The following NPL variants were observed in gnomAD, a reference collection of about 807,000 sequenced individuals.
The protein encoded by NPL is N-acetylneuraminate lyase.
In NPL, 32 loss-of-function variants were observed where a neutral mutation model predicts 41.1. The observed-to-expected ratio is 0.78, with a 90% confidence interval of 0.59 to 1.05. The LOEUF is 1.05. NPL is among the 50% of genes least tolerant of loss of function. The pLI, the probability that NPL is intolerant of heterozygous loss-of-function variation, is 0.00. For missense variants in NPL, 321 were observed against 378.4 expected (o/e 0.85, Z 1.26); for synonymous variants, 128 against 134.9 (o/e 0.95, Z 0.35).
In NPL at chr1:182,816,748, T is replaced by C. The variant is rs1486160683; in HGVS notation, c.399T>C (p.Ala133=). The change falls in exon 8 of 13, where the codon GCT becomes GCC. Residue 133 remains alanine (A), a synonymous_variant. Transcript: ENST00000367553. ...ILINFLKEVA[A]AAPALPFYYY... Reference sequence around the variant, plus strand: ...TTAATTTCCTAAAGGAAGTGGCTGCTGCCGCCCCTGCCCTGCCATTTTATT... The same window carrying C: ...TTAATTTCCTAAAGGAAGTGGCTGCCGCCGCCCCTGCCCTGCCATTTTATT... 1 of 1,612,816 alleles carries C rather than the reference T, an allele frequency of 6.2e-7. No homozygotes were observed. Among genetic ancestry groups the C allele is most frequent in the Non-Finnish European group, 8.5e-7 (1 of 1,179,710 alleles).
Position 182,829,708 on chromosome 1 carries a change from A to G in NPL, c.*800A>G, listed in dbSNP as rs1325534059. 7.4e-7 allele frequency: 1 copy of G among 1,358,622 alleles called. No individual in the cohort carries two copies. Among genetic ancestry groups the G allele is most frequent in the African/African-American group, 1.4e-5 (1 of 69,046 alleles). The allele number at this position is 1,358,622 out of a possible 1,614,324, so 84.2% of individuals were successfully genotyped here. On this transcript the variant is annotated 3_prime_UTR_variant, in exon 13 of 13. Transcript: ENST00000367553. Reference sequence around the variant, plus strand: ...GACTGTCTCTCCCGCAGGACCCTGAATTATTGAAATCGAAGGCTGACTTCC... The same window carrying G: ...GACTGTCTCTCCCGCAGGACCCTGAGTTATTGAAATCGAAGGCTGACTTCC...
intron 11 of NPL, among the ~76,000 whole-genome samples, chr1:182,825,176 A>G (rs1265664543): frequency 5.3e-5 from 8 of 152,224 alleles, no homozygotes; most frequent in Non-Finnish European, 7.3e-5. Context: ...CCCTCTCTTT[A>G]TCAATACCAA....
rs755575985 is a variant in NPL, at chr1:182,806,149, T to G, written c.147T>G (p.Asn49Lys). Residue 49 changes from asparagine to lysine, a missense_variant, in exon 5 of 13, where the codon AAT (asparagine) becomes AAG (lysine). Physicochemically the swap from Asn to Lys is moderately conservative, Grantham distance 94. Transcript: ENST00000367553. ...ACTTACTCTTTGTTTGAACAGTGAA[T>G]GGCACAACAGGAGAAGGCCTGTCCC... is the stretch of plus-strand genomic sequence containing the variant. ...KEQGVKNIFV[N>K]GTTGEGLSLS... 5 of 1,614,214 alleles carry G rather than the reference T, an allele frequency of 3.1e-6. No individual in the cohort carries two copies. In the South Asian group the frequency reaches 5.5e-5, roughly 18 times the overall value.
Position 182,829,458 on chromosome 1 carries a change from T to A in NPL, c.*550T>A, listed in dbSNP as rs957672013. The A allele has an allele frequency of 9.0e-6, 13 of 1,445,114 alleles. No individual in the cohort carries two copies. The highest frequency in any genetic ancestry group is 1.2e-5 in the Non-Finnish European group (13 of 1,099,546). 89.5% of individuals were successfully genotyped at this position (1,445,114 alleles called of 1,614,324 possible). A position where few individuals can be genotyped will look rare whatever the true frequency, so the allele number is the denominator to read the frequency against. On this transcript the variant is annotated 3_prime_UTR_variant, in exon 13 of 13. Transcript: ENST00000367553. ...ATGGATGCTTTTGAATTCATTTCGA[T>A]GTCACCACTTTTCGCTCTTTAAAAA...
chr1:182,824,390 T>G (rs975959041), intron 11 of NPL, among the ~76,000 whole-genome samples: 1 of 152,212 alleles, frequency 6.6e-6, no homozygotes, highest in African/African-American at 2.4e-5. Flanking sequence ...GTATTAAAAT[T>G]TTATTCTACA....
At chr1:182,822,485 A>G (rs73065401) in intron 11 of NPL, among the ~76,000 whole-genome samples, 2,489 of 152,338 alleles carry the variant, frequency 0.016, 37 homozygotes, top group Admixed American at 0.028. Flanking sequence ...TGTGACTATA[A>G]TAAAATGGTC....
intron 12 of NPL, chr1:182,826,492 C>T (rs1667633817): frequency 1.3e-5 from 2 of 152,758 alleles, no homozygotes. Flanking sequence ...CTGTCAGAGT[C>T]CTGCATAATT....
chr1:182,824,501 T>C (rs1667576602), intron 11 of NPL, among the ~76,000 whole-genome samples: 1 of 152,176 alleles, frequency 6.6e-6, no homozygotes, highest in African/African-American at 2.4e-5. Flanking sequence ...CTTAATAAGA[T>C]GCATGAGGTT....
chr1:182,826,325 T>G (rs187684253), intron 12 of NPL: 167 of 161,806 alleles, frequency 1.0e-3, no homozygotes, highest in African/African-American at 3.9e-3. Flanking sequence ...TACAGTGAAT[T>G]TGAGTAGAGA....
At chr1:182,796,747 GCT>G (rs767253418) in intron 3 of NPL, among the ~76,000 whole-genome samples, 15 of 152,090 alleles carry the variant, frequency 9.9e-5, no homozygotes, top group Non-Finnish European at 1.5e-4. Context: ...CCTTTTGAGA[GCT>G]CTCTCGGCCG....
intron 3 of NPL, among the ~76,000 whole-genome samples, chr1:182,794,646 A>G (rs756302537): frequency 2.0e-5 from 3 of 152,208 alleles, no homozygotes; most frequent in African/African-American, 7.2e-5. Context: ...GAGAAGCACT[A>G]TATCACCTTG....
chr1:182,790,497 C>G (rs1432566430), intron 1 of NPL, among the ~76,000 whole-genome samples: 1 of 152,184 alleles, frequency 6.6e-6, no homozygotes, highest in East Asian at 1.9e-4. Context: ...CCAAGTTTAT[C>G]TAAAACTTGA....
intron 2 of NPL, 63 bp from the exon 3 acceptor site, chr1:182,794,292 GC>G: frequency 2.2e-6 from 3 of 1,341,848 alleles, no homozygotes; most frequent in Non-Finnish European, 3.2e-6. Flanking sequence ...AATGGACTTT[GC>G]CTGGGAGTTT....
At chr1:182,805,354 C>T (rs1195621352) in intron 4 of NPL, among the ~76,000 whole-genome samples, 1 of 152,184 alleles carries the variant, frequency 6.6e-6, no homozygotes, top group African/African-American at 2.4e-5. Flanking sequence ...TCACTTGAAC[C>T]TGGGAGGCAG....
intron 2 of NPL, among the ~76,000 whole-genome samples, 182 bp downstream of exon 2, chr1:182,792,468 A>C (rs1319337137): frequency 6.6e-6 from 1 of 152,220 alleles, no homozygotes. Context: ...TTGATACTTA[A>C]ACATCCCTCC....
chr1:182,793,922 G>T (rs1398882882), intron 2 of NPL, among the ~76,000 whole-genome samples: 2 of 148,990 alleles, frequency 1.3e-5, no homozygotes, highest in Non-Finnish European at 3.0e-5. Context: ...CATATGCCAG[G>T]CTTGGGGCTG....
At chr1:182,793,874 AC>A (rs1666582961) in intron 2 of NPL, among the ~76,000 whole-genome samples, 2 of 152,190 alleles carry the variant, frequency 1.3e-5, no homozygotes, top group Admixed American at 1.3e-4. Flanking sequence ...TCAACCAAAT[AC>A]GGATAGAAAA....
intron 5 of NPL, among the ~76,000 whole-genome samples, chr1:182,811,577 T>G (rs1404032584): frequency 6.6e-6 from 1 of 152,184 alleles, no homozygotes; most frequent in African/African-American, 2.4e-5. Flanking sequence ...TTAGAAGTGT[T>G]TTTTGTAAGC....
intron 7 of NPL, 32 bp from the exon 8 acceptor site, chr1:182,816,682 T>G: frequency 6.7e-7 from 1 of 1,497,090 alleles, no homozygotes; most frequent in Non-Finnish European, 9.3e-7. Flanking sequence ...TTACACCTGT[T>G]CACACCATGA....
Sources: gnomAD v4.1 joint callset for allele counts (sites outside exome capture counted in the v4.1 genomes callset) on GRCh38, gnomAD v4.1.1 for gene constraint, MANE v1.5 for transcripts, NCBI Gene and HGNC (gene_info 2026-07-23, HGNC 2026-07-21) for gene names.